The following LRGUK variants were observed in gnomAD, a reference collection of about 807,000 sequenced individuals.
LRGUK encodes the protein leucine rich repeats and guanylate kinase domain containing.
A neutral mutation model predicts 76.0 loss-of-function variants in LRGUK; 65 were observed. The ratio of observed to expected loss-of-function variants is 0.85; its 90% CI spans 0.70 to 1.05. LRGUK has a LOEUF of 1.05. Among genes scored for constraint, LRGUK ranks in the 50% least tolerant of loss-of-function variants. LRGUK has a pLI of 0.00. For missense variants in LRGUK, 758 were observed against 732.8 expected, an observed-to-expected ratio of 1.03 and a Z score of -0.40; for synonymous variants, 268 against 265.6, an observed-to-expected ratio of 1.01 and a Z score of -0.09.
intron 16 of LRGUK, among the ~76,000 whole-genome samples, chr7:134,225,555 A>G (rs1801721873): frequency 6.6e-6 from 1 of 152,220 alleles, no homozygotes; most frequent in South Asian, 2.1e-4. Flanking sequence ...ATACAAATGT[A>G]ACAAGGTAGT....
At chr7:134,267,923 A>AT (rs749310895), downstream of LRGUK, among the ~76,000 whole-genome samples, 31 of 124,872 alleles carry the variant, frequency 2.5e-4, no homozygotes, top group Non-Finnish European at 3.8e-4. Flanking sequence ...AGAATCTAAA[A>AT]TTAAAAAAAA....
At chr7:134,171,347 A>T (rs1289936309) in intron 7 of LRGUK, among the ~76,000 whole-genome samples, 1 of 152,074 alleles carries the variant, frequency 6.6e-6, no homozygotes, top group East Asian at 1.9e-4. Flanking sequence ...GTGGCAGCGA[A>T]AAAAATTTTA....
Position 134,156,192 on chromosome 7 carries a change from G to A in LRGUK, c.671-1843G>A, listed in dbSNP as rs533029089. Among the ~76,000 whole-genome samples the A allele has an allele frequency of 5.3e-5, 8 of 152,326 alleles. No individual in the cohort carries two copies. The South Asian group carries it at 1.4e-3, about 28-fold the overall frequency. On this transcript the variant is annotated intron_variant, in intron 5 of 15. Transcript: ENST00000645682. ...CATTCTCCTGACTACAGGTGAGACA[G>A]AACGTCTTTTCATGTGTTTATTAGC...
At chr7:134,229,578 A>G (rs1801846213) in intron 16 of LRGUK, among the ~76,000 whole-genome samples, 1 of 152,212 alleles carries the variant, frequency 6.6e-6, no homozygotes, top group Non-Finnish European at 1.5e-5. Flanking sequence ...CATATTCCAT[A>G]TTATACAAAT....
At chr7:134,237,867 TTC>T (rs1802050861) in intron 16 of LRGUK, among the ~76,000 whole-genome samples, 2 of 152,288 alleles carry the variant, frequency 1.3e-5, no homozygotes, top group South Asian at 2.1e-4. Flanking sequence ...TATTATGTAT[TTC>T]TCTTTCTTCC....
intron 12 of LRGUK, among the ~76,000 whole-genome samples, chr7:134,192,177 T>G (rs1800283181): frequency 6.6e-6 from 1 of 152,156 alleles, no homozygotes; most frequent in African/African-American, 2.4e-5. Flanking sequence ...AGTCTTTCTG[T>G]GTATTATCTG....
chr7:134,197,127 A>G (rs1237396322), intron 13 of LRGUK, 22 bp downstream of exon 13: 2 of 1,383,582 alleles, frequency 1.4e-6, no homozygotes, highest in Non-Finnish European at 2.1e-6. Context: ...CATTCAACCA[A>G]TTAATGTGTG....
chr7:134,186,966 C>T (rs1800002332), intron 11 of LRGUK, among the ~76,000 whole-genome samples: 1 of 152,202 alleles, frequency 6.6e-6, no homozygotes. Context: ...CCACCTCCCT[C>T]AGAGTTTCAG....
chr7:134,226,124 G>GT (rs1003284850), intron 16 of LRGUK, among the ~76,000 whole-genome samples: 2 of 151,994 alleles, frequency 1.3e-5, no homozygotes, highest in African/African-American at 4.8e-5. Context: ...GCTTTTTGGT[G>GT]TCTTAAGTGT....
intron 1 of LRGUK, among the ~76,000 whole-genome samples, chr7:134,132,216 A>G (rs1275892160): frequency 6.6e-6 from 1 of 152,142 alleles, no homozygotes; most frequent in Non-Finnish European, 1.5e-5. Flanking sequence ...CCGACCAGCC[A>G]TAGTGGTATG....
At chr7:134,174,579 A>G (rs774602456) in exon 8 of LRGUK, 6 of 1,608,078 alleles carry the variant, frequency 3.7e-6, no homozygotes, top group Non-Finnish European at 5.1e-6. Context: ...GAGAAATAGA[A>G]TACATTAAAA....
At chr7:134,182,988 C>G (rs1799818874) in intron 10 of LRGUK, among the ~76,000 whole-genome samples, 1 of 152,206 alleles carries the variant, frequency 6.6e-6, no homozygotes, top group Non-Finnish European at 1.5e-5. Flanking sequence ...TCGAACTCCT[C>G]ACCTCAGGTG....
intron 15 of LRGUK, among the ~76,000 whole-genome samples, chr7:134,205,284 A>G (rs909844423): frequency 6.6e-6 from 1 of 152,092 alleles, no homozygotes; most frequent in African/African-American, 2.4e-5. Flanking sequence ...AAAGTTCCTG[A>G]TTGGTGCGTT....
At chr7:134,158,073 A>G (rs745405729) in exon 6 of LRGUK, 9 of 1,613,240 alleles carry the variant, frequency 5.6e-6, no homozygotes, top group Non-Finnish European at 7.6e-6. Context: ...AGAGATGTGC[A>G]ACAACCTAAT....
At chr7:134,222,062 T>G in intron 16 of LRGUK, 144 bp downstream of exon 16, 2 of 705,142 alleles carry the variant, frequency 2.8e-6, no homozygotes, top group South Asian at 9.7e-5. Flanking sequence ...TTTGACTCTT[T>G]GTACATCCCT....
intron 11 of LRGUK, among the ~76,000 whole-genome samples, chr7:134,190,374 T>C (rs1001268006): frequency 6.6e-6 from 1 of 152,092 alleles, no homozygotes. Flanking sequence ...ACCTGGCTAA[T>C]TTTTAAATTT....
chr7:134,174,107 CA>C (rs112357506), intron 7 of LRGUK, among the ~76,000 whole-genome samples: 1,321 of 80,550 alleles, frequency 0.016, 11 homozygotes, highest in African/African-American at 0.045. Context: ...GACTCCATCG[CA>C]AAAAAAAAAA....
intron 16 of LRGUK, among the ~76,000 whole-genome samples, chr7:134,236,290 TC>T (rs1159717702): frequency 6.6e-6 from 1 of 152,124 alleles, no homozygotes. Context: ...AGTAACCAAT[TC>T]CTTATATTCC....
chr7:134,245,973 C>T lies in LRGUK; in HGVS notation c.1984-1583C>T, dbSNP rs1244764750. On this transcript the variant is annotated intron_variant, in intron 16 of 19. Transcript: ENST00000285928. ...CTCATTACATCCTCCCCTGACTTTC[C>T]CAATACAATTTTCTCCTCATCTTGT... Among the ~76,000 whole-genome samples the T allele has an allele frequency of 2.0e-5, 3 of 152,078 alleles. No individual in the cohort carries two copies. In the East Asian group the frequency reaches 5.8e-4, roughly 29 times the overall value.
Sources: gnomAD v4.1 joint callset for allele counts (sites outside exome capture counted in the v4.1 genomes callset) on GRCh38, gnomAD v4.1.1 for gene constraint, MANE v1.5 for transcripts, NCBI Gene and HGNC (gene_info 2026-07-23, HGNC 2026-07-21) for gene names.